FMN1: variants seen among roughly 807,000 people sequenced by gnomAD.
FMN1 encodes the protein formin 1, also known as formin-1.
Under a neutral mutation model 132.4 loss-of-function variants are expected in FMN1, and 110 were observed. That is an observed-to-expected ratio of 0.83 (90% CI 0.71 to 0.97). The LOEUF is 0.97. FMN1 is among the 50% of genes least tolerant of loss of function. The pLI is 0.00. For missense variants in FMN1, 1,792 were observed against 1,705.3 expected, an observed-to-expected ratio of 1.05 and a Z score of -0.90; for synonymous variants, 722 against 651.7, an observed-to-expected ratio of 1.11 and a Z score of -1.64.
intron 4 of FMN1, among the ~76,000 whole-genome samples, chr15:33,101,943 C>A (rs996196158): frequency 6.6e-6 from 1 of 152,092 alleles, no homozygotes; most frequent in African/African-American, 2.4e-5. Context: ...CTTGTCTATT[C>A]ACTTTATTTG....
chr15:33,122,014 T>C (rs960000321), intron 4 of FMN1, among the ~76,000 whole-genome samples: 10 of 152,136 alleles, frequency 6.6e-5, no homozygotes, highest in African/African-American at 9.7e-5. Flanking sequence ...GAGGACACGA[T>C]CTCTACTTTC....
intron 6 of FMN1, among the ~76,000 whole-genome samples, chr15:33,060,003 G>A (rs1201242020): frequency 6.6e-6 from 1 of 152,202 alleles, no homozygotes; most frequent in Admixed American, 6.5e-5. Context: ...CTAAGTGGAA[G>A]CTTAGCACAA....
rs1966210315 is a variant in FMN1, at chr15:33,194,643, C to T, written c.-414G>A. 1 of 152,384 alleles carries T rather than the reference C, an allele frequency of 6.6e-6. No individual in the cohort carries two copies. The highest frequency in any genetic ancestry group is 2.4e-5 in the African/African-American group (1 of 41,446). The allele number at this position is 152,384 out of a possible 1,614,324, so 9.4% of individuals were successfully genotyped here. A position where few individuals can be genotyped will look rare whatever the true frequency, so the allele number is the denominator to read the frequency against. ...TCGGGAGGCTGAGGCAGGAGGATTG[C>T]TTACGGCAACAGCCGTGGCGGCTGC... On this transcript the variant is annotated 5_prime_UTR_variant, in exon 1 of 21. Transcript: ENST00000616417.
In FMN1 at chr15:32,774,075, T is replaced by C. The variant is rs951974709; in HGVS notation, c.*235A>G. The C allele has an allele frequency of 1.9e-6, 1 of 515,264 alleles. No homozygotes were observed. Among genetic ancestry groups the C allele is most frequent in the African/African-American group, 2.0e-5 (1 of 49,282 alleles). 31.9% of individuals were successfully genotyped at this position (515,264 alleles called of 1,614,324 possible). A position where few individuals can be genotyped will look rare whatever the true frequency, so the allele number is the denominator to read the frequency against. ...GACTTTGGGCTTCCACAAGAAACAGTCATCAAATATTTCTGCAATGTTCCC... is the reference window on the plus strand; with the variant it reads ...GACTTTGGGCTTCCACAAGAAACAGCCATCAAATATTTCTGCAATGTTCCC... On this transcript the variant is annotated 3_prime_UTR_variant, in exon 21 of 21. Transcript: ENST00000616417.
intron 8 of FMN1, among the ~76,000 whole-genome samples, chr15:32,965,234 C>T (rs548804712): frequency 2.6e-4 from 40 of 151,956 alleles, no homozygotes; most frequent in South Asian, 1.0e-3. Context: ...CCCATCTCTA[C>T]TAAAAAATAC....
intron 9 of FMN1, among the ~76,000 whole-genome samples, chr15:32,930,359 T>C (rs1330536052): frequency 1.3e-5 from 2 of 152,074 alleles, no homozygotes; most frequent in Non-Finnish European, 2.9e-5. Flanking sequence ...CCACCAACAG[T>C]GTACAAAGGT....
At position 32,798,178 on chromosome 15, in the gene FMN1, G is replaced by GCA. The variant is rs59587193; in HGVS notation, c.4130+624_4130+625dup. ...CAAATTCAATCTCTCTAAGGAAAAC[G>GCA]CACACACACACACACACACACACAC... On this transcript the variant is annotated intron_variant, in intron 19 of 20. Coordinates refer to ENST00000616417, the MANE Select transcript of FMN1 (RefSeq NM_001277313.2). Among the ~76,000 whole-genome samples, 690 of 147,188 alleles carry GCA rather than the reference G, an allele frequency of 4.7e-3. 8 individuals carry two copies. Among genetic ancestry groups the GCA allele is most frequent in the African/African-American group, 0.017 (664 of 39,458 alleles).
chr15:33,068,172 T>C (rs914926683), intron 5 of FMN1: 5 of 394,194 alleles, frequency 1.3e-5, no homozygotes, highest in African/African-American at 1.0e-4. Context: ...AGGCTGCTCT[T>C]CTGAAACTTC....
chr15:32,796,150 A>C (rs2057283840), intron 19 of FMN1, among the ~76,000 whole-genome samples: 1 of 152,232 alleles, frequency 6.6e-6, no homozygotes. Context: ...ATGTGTACTC[A>C]TGAAAACTAC....
At chr15:33,029,918 G>A (rs1457301247) in intron 6 of FMN1, among the ~76,000 whole-genome samples, 1 of 152,222 alleles carries the variant, frequency 6.6e-6, no homozygotes, top group Non-Finnish European at 1.5e-5. Context: ...AGCACTTTCG[G>A]AGACCGAGGC....
At chr15:33,129,147 A>G (rs1963425604) in intron 4 of FMN1, among the ~76,000 whole-genome samples, 1 of 152,218 alleles carries the variant, frequency 6.6e-6, no homozygotes, top group Non-Finnish European at 1.5e-5. Flanking sequence ...ACCTCTCAAT[A>G]TTTTAAAGCT....
chr15:32,789,562 G>A (rs953282290), intron 19 of FMN1, among the ~76,000 whole-genome samples: 3 of 152,118 alleles, frequency 2.0e-5, no homozygotes, highest in African/African-American at 7.2e-5. Flanking sequence ...ATTGCCTAGT[G>A]AAGTCATAGC....
rs1054537261 is a variant in FMN1, at chr15:33,080,252, CTG to C, written c.2043+8545_2043+8546del. ...AAGCAAAGACACAACAGAGAGCAAT[CTG>C]TGCATTTACTGATGTTGAATCTAAT... On this transcript the variant is annotated intron_variant, in intron 5 of 20. Coordinates refer to ENST00000616417, the MANE Select transcript of FMN1 (RefSeq NM_001277313.2). Among the ~76,000 whole-genome samples the C allele has an allele frequency of 3.4e-4, 51 of 152,188 alleles. 4 individuals carry two copies.
At chr15:33,133,152 G>A (rs185862808) in intron 4 of FMN1, among the ~76,000 whole-genome samples, 124 of 152,288 alleles carry the variant, frequency 8.1e-4, no homozygotes, top group Admixed American at 2.8e-3. Context: ...TAACTCACAA[G>A]GAAGAGGGGA....
In FMN1 at chr15:33,153,253, A is replaced by G. The variant is rs565435296; in HGVS notation, c.1662T>C (p.Ser554=). ...PGEREAALND[S]PCRKSRVFSG... is the part of the protein sequence containing the mutation. Reference sequence around the variant, plus strand: ...AGAAGACACGGCTCTTTCTACAAGGAGAGTCATTAAGAGCAGCTTCCCTCT... The same window carrying G: ...AGAAGACACGGCTCTTTCTACAAGGGGAGTCATTAAGAGCAGCTTCCCTCT... Residue 554 remains serine, a synonymous_variant, in exon 4 of 21, where the codon TCT becomes TCC. Transcript: ENST00000616417. 10 of 1,536,082 alleles carry G rather than the reference A, an allele frequency of 6.5e-6. No homozygotes were observed. In the African/African-American group the frequency reaches 1.4e-4, roughly 21 times the overall value.
In FMN1 at chr15:33,150,191, T is replaced by C. The variant is rs981512423; in HGVS notation, c.1867+2857A>G. 9.1e-6 allele frequency: 9 copies of C among 985,282 alleles called. No individual in the cohort carries two copies. The African/African-American group carries it at 1.6e-4, about 17-fold the overall frequency. 61.0% of individuals were successfully genotyped at this position (985,282 alleles called of 1,614,324 possible). ...TGGCACTAAAAGGGTTTACTTTGAA[T>C]CAAAGGTAAATGAAAGCAAGCAAAA... is the stretch of plus-strand genomic sequence containing the variant. On this transcript the variant is annotated intron_variant, in intron 4 of 20. Transcript: ENST00000616417.
At chr15:33,101,287 G>A (rs534909128) in intron 4 of FMN1, among the ~76,000 whole-genome samples, 4 of 152,232 alleles carry the variant, frequency 2.6e-5, no homozygotes, top group South Asian at 2.1e-4. Context: ...ACTGGAGGAG[G>A]TTGGCGATTT....
At chr15:32,846,780 T>G (rs1402311371) in intron 17 of FMN1, among the ~76,000 whole-genome samples, 1 of 152,202 alleles carries the variant, frequency 6.6e-6, no homozygotes, top group African/African-American at 2.4e-5. Context: ...TGCAGCACTA[T>G]TTACGATAGC....
chr15:32,999,633 G>A (rs1490904190), intron 7 of FMN1, among the ~76,000 whole-genome samples: 1 of 152,204 alleles, frequency 6.6e-6, no homozygotes, highest in Non-Finnish European at 1.5e-5. Flanking sequence ...CCTCAATTAG[G>A]AAATATGCAT....
Sources: allele counts gnomAD v4.1 joint callset (sites outside exome capture counted in the v4.1 genomes callset), GRCh38; gene constraint gnomAD v4.1.1; transcripts MANE v1.5; gene names NCBI Gene and HGNC (gene_info 2026-07-23, HGNC 2026-07-21).